RNF144A: variants seen among roughly 807,000 people sequenced by gnomAD.
RNF144A encodes E3 ubiquitin-protein ligase RNF144A.
Under a neutral mutation model 38.7 loss-of-function variants are expected in RNF144A, and 11 were observed. The observed-to-expected ratio is 0.28, with a 90% CI of 0.18 to 0.47. The LOEUF is 0.47. RNF144A is among the 20% of genes least tolerant of loss of function. The probability of loss-of-function intolerance (pLI) is 0.99; values close to 1 mark genes in which losing one functional copy is unlikely to be tolerated. For missense variants in RNF144A, 316 were observed against 377.2 expected (o/e 0.84, Z 1.34); for synonymous variants, 149 against 143.9 (o/e 1.04, Z -0.25).
chr2:7,047,745 T>TCC (rs1233113448), downstream of RNF144A, among the ~76,000 whole-genome samples: 2 of 152,200 alleles, frequency 1.3e-5, no homozygotes, highest in African/African-American at 2.4e-5. Flanking sequence ...TTGGAAGAAA[T>TCC]CCCTATTGTG....
intron 3 of RNF144A, among the ~76,000 whole-genome samples, chr2:7,001,816 T>C (rs939657886): frequency 2.0e-4 from 31 of 152,346 alleles, no homozygotes; most frequent in African/African-American, 7.0e-4. Flanking sequence ...TGGCTGAACA[T>C]TGCTGTGGGA....
intron 3 of RNF144A, among the ~76,000 whole-genome samples, chr2:7,008,613 C>A (rs949845763): frequency 2.6e-5 from 4 of 152,234 alleles, no homozygotes; most frequent in Non-Finnish European, 5.9e-5. Flanking sequence ...CCTGTCCCCC[C>A]GGGCCAGATG....
chr2:7,031,046 A>G (rs1457066375), intron 8 of RNF144A, among the ~76,000 whole-genome samples: 3 of 152,082 alleles, frequency 2.0e-5, no homozygotes, highest in Admixed American at 6.5e-5. Context: ...AACGTGAGCA[A>G]TGGGGAGCAG....
intron 2 of RNF144A, among the ~76,000 whole-genome samples, chr2:6,977,340 G>A (rs750269530): frequency 1.2e-4 from 18 of 152,216 alleles, no homozygotes; most frequent in Non-Finnish European, 2.1e-4. Context: ...AGTTGCGTAT[G>A]CCTTTTGAGT....
chr2:6,928,510 C>A (rs952312538), intron 1 of RNF144A, among the ~76,000 whole-genome samples: 1 of 152,210 alleles, frequency 6.6e-6, no homozygotes, highest in African/African-American at 2.4e-5. Flanking sequence ...CATCCTACAT[C>A]TGCACCCCAG....
chr2:6,991,712 A>G (rs1008918008), intron 2 of RNF144A, among the ~76,000 whole-genome samples: 1 of 152,222 alleles, frequency 6.6e-6, no homozygotes, highest in African/African-American at 2.4e-5. Flanking sequence ...GAAGTAGTAT[A>G]TGCAAATGGC....
chr2:7,069,605 C>T (rs995193225), downstream of RNF144A, among the ~76,000 whole-genome samples: 3 of 152,132 alleles, frequency 2.0e-5, no homozygotes, highest in East Asian at 3.8e-4. Context: ...TGTTCTTATT[C>T]GGGCAGCTTA....
At chr2:7,063,157 C>G (rs1394115307) in intron 6 of RNF144A, among the ~76,000 whole-genome samples, 1 of 152,218 alleles carries the variant, frequency 6.6e-6, no homozygotes, top group Middle Eastern at 3.2e-3. Context: ...GCTCCTAACA[C>G]AGCCTTGGCA....
At chr2:7,044,489 G>A (rs896850653), downstream of RNF144A, among the ~76,000 whole-genome samples, 1 of 152,148 alleles carries the variant, frequency 6.6e-6, no homozygotes, top group Non-Finnish European at 1.5e-5. Context: ...AACCGGTACT[G>A]CAGCATCAGG....
chr2:6,940,377 C>T (rs34955134), intron 1 of RNF144A, among the ~76,000 whole-genome samples: 9,030 of 152,204 alleles, frequency 0.059, 354 homozygotes, highest in Middle Eastern at 0.11. Context: ...CTCATTCAAC[C>T]AATTCCTGCC....
chr2:6,979,100 A>G (rs1322694019), intron 2 of RNF144A, among the ~76,000 whole-genome samples: 2 of 152,168 alleles, frequency 1.3e-5, no homozygotes, highest in African/African-American at 4.8e-5. Flanking sequence ...TCTAAGTTCT[A>G]GAATAGTGGG....
intron 1 of RNF144A, among the ~76,000 whole-genome samples, chr2:6,939,485 A>G (rs1665826832): frequency 6.6e-6 from 1 of 152,208 alleles, no homozygotes; most frequent in Non-Finnish European, 1.5e-5. Flanking sequence ...GGCCTTTATC[A>G]GATATATGAT....
At chr2:6,967,293 T>C (rs1016984518) in intron 2 of RNF144A, among the ~76,000 whole-genome samples, 1 of 152,242 alleles carries the variant, frequency 6.6e-6, no homozygotes, top group East Asian at 1.9e-4. Context: ...AAATGTTATG[T>C]GAAACATGTA....
chr2:7,046,652 C>T (rs1477343198), downstream of RNF144A, among the ~76,000 whole-genome samples: 1 of 152,138 alleles, frequency 6.6e-6, no homozygotes, highest in African/African-American at 2.4e-5. Flanking sequence ...ACAGAAGGAC[C>T]CTCTTCCCTC....
chr2:7,042,182 T>G lies in RNF144A; in HGVS notation c.*2422T>G, dbSNP rs1447736228. On this transcript the variant is annotated 3_prime_UTR_variant, in exon 9 of 9. Transcript: ENST00000320892. The stretch of plus-strand genomic sequence containing the variant: ...CTGAGATACATAAACTCGCATTTCC[T>G]TCTGTTTTAGTAAGGAGTGCCAGAC... 2.0e-6 allele frequency: 2 copies of G among 985,262 alleles called. No homozygotes were observed. The highest frequency in any genetic ancestry group is 2.4e-6 in the Non-Finnish European group (2 of 829,874). 61.0% of individuals were successfully genotyped at this position (985,262 alleles called of 1,614,324 possible).
chr2:6,994,477 G>C (rs1481131959), intron 2 of RNF144A, among the ~76,000 whole-genome samples: 1 of 152,132 alleles, frequency 6.6e-6, no homozygotes, highest in Non-Finnish European at 1.5e-5. Flanking sequence ...CTAGGACCCA[G>C]AAAACCCCAT....
intron 8 of RNF144A, 131 bp from the exon 9 acceptor site, chr2:7,039,498 G>A: frequency 6.8e-7 from 1 of 1,469,104 alleles, no homozygotes. Flanking sequence ...GTAGATGGAT[G>A]GATGGATAGA....
rs763732478 is a variant in RNF144A at position 6,996,904 on chromosome 2, C to T, written c.-11-12C>T. The T allele has an allele frequency of 3.1e-6, 5 of 1,610,768 alleles. No homozygotes were observed. Among genetic ancestry groups the T allele is most frequent in the Non-Finnish European group, 3.4e-6 (4 of 1,178,072 alleles). On this transcript the variant is annotated splice_polypyrimidine_tract_variant and intron_variant, in intron 2 of 8. Transcript: ENST00000320892. Reference sequence around the variant, plus strand: ...TGGGGAGGTCTGACCTTCCGTGCTTCTCTCGTTTCAGACTGTTCTGCGATG... The same window carrying T: ...TGGGGAGGTCTGACCTTCCGTGCTTTTCTCGTTTCAGACTGTTCTGCGATG...
chr2:7,051,017 C>A (rs926445389), intron 6 of RNF144A, among the ~76,000 whole-genome samples: 1 of 152,222 alleles, frequency 6.6e-6, no homozygotes, highest in Non-Finnish European at 1.5e-5. Flanking sequence ...GCCTTGGTAC[C>A]ACACCACACA....
Sources: gnomAD v4.1 joint callset for allele counts (sites outside exome capture counted in the v4.1 genomes callset) on GRCh38, gnomAD v4.1.1 for gene constraint, MANE v1.5 for transcripts, NCBI Gene and HGNC (gene_info 2026-07-23, HGNC 2026-07-21) for gene names.